Variants in LONP1 observed in about 807,000 individuals in gnomAD.
LONP1 encodes lon peptidase 1, mitochondrial, also known as lon protease homolog, mitochondrial.
Under a neutral mutation model 98.5 loss-of-function variants are expected in LONP1, and 31 were observed. The ratio of observed to expected loss-of-function variants is 0.31; its 90% CI spans 0.24 to 0.42. LONP1 has a LOEUF of 0.42. LONP1 is among the 20% of genes least tolerant of loss of function. The pLI is 1.00. For missense variants in LONP1, 1,336 were observed against 1,350.6 expected (o/e 0.99, Z 0.17); for synonymous variants, 781 against 594.7 (o/e 1.31, Z -4.56).
At chr19:5,702,352 G>GT (rs1230032585) in intron 8 of LONP1, among the ~76,000 whole-genome samples, 2 of 148,956 alleles carry the variant, frequency 1.3e-5, no homozygotes, top group Non-Finnish European at 3.0e-5. Flanking sequence ...CGGGAGGGAG[G>GT]TGGGGGGGTC....
chr19:5,695,199 ACCCAGGG>A (rs1217693443), intron 13 of LONP1, among the ~76,000 whole-genome samples: 2 of 151,884 alleles, frequency 1.3e-5, no homozygotes, highest in Admixed American at 1.3e-4. Context: ...CCATACACAG[ACCCAGGG>A]CCTGTAGGGT....
chr19:5,704,418 C>T (rs1232568645), intron 8 of LONP1, among the ~76,000 whole-genome samples: 1 of 152,182 alleles, frequency 6.6e-6, no homozygotes, highest in Non-Finnish European at 1.5e-5. Context: ...CAACCAGTGC[C>T]TCTCAGGGCC....
At chr19:5,712,574 G>A in intron 3 of LONP1, 1 of 185,506 alleles carries the variant, frequency 5.4e-6, no homozygotes, top group East Asian at 1.3e-4. Context: ...ATAGCTCACT[G>A]CAGCCTTTAC....
intron 10 of LONP1, among the ~76,000 whole-genome samples, chr19:5,697,705 T>C (rs1010159414): frequency 6.6e-6 from 1 of 151,742 alleles, no homozygotes; most frequent in Non-Finnish European, 1.5e-5. Flanking sequence ...AAGGAGGGTT[T>C]TGCTGCTGTT....
chr19:5,715,121 C>T (rs1303059352), intron 1 of LONP1: 1 of 150,482 alleles, frequency 6.6e-6, no homozygotes, highest in Non-Finnish European at 1.5e-5. Flanking sequence ...CAGAACTGAC[C>T]AGCTGGATTC....
rs765637770 is a variant in LONP1 at position 5,714,240 on chromosome 19, C to T, written c.461G>A (p.Arg154Lys). ...AGGCTGGGCGAGACGAACTTTCCTT[C>T]TCAGCAGCTCAACCAACTTCTTATT... ...VKNKKLVELL[R>K]RKVRLAQPYV... Residue 154 changes from arginine to lysine, a missense_variant, in exon 2 of 18, where the codon AGA (arginine) becomes AAA (lysine). This residue lies in a region of LONP1 where 457 missense variants were observed against 403.1 expected (regional missense o/e 1.13). Coordinates refer to ENST00000360614, the MANE Select transcript of LONP1 (RefSeq NM_004793.4). 16 of 1,613,918 alleles carry T rather than the reference C, an allele frequency of 9.9e-6. No individual in the cohort carries two copies. The Admixed American group carries it at 2.7e-4, about 27-fold the overall frequency.
At chr19:5,716,315 A>G (rs2055323029) in intron 1 of LONP1, among the ~76,000 whole-genome samples, 1 of 114,872 alleles carries the variant, frequency 8.7e-6, no homozygotes, top group Non-Finnish European at 1.8e-5. Context: ...TGGCCCTCAA[A>G]CTTTTGCAGG....
chr19:5,704,431 G>C (rs933005510), intron 8 of LONP1, among the ~76,000 whole-genome samples: 68 of 152,314 alleles, frequency 4.5e-4, no homozygotes, highest in African/African-American at 1.6e-3. Flanking sequence ...TCAGGGCCCT[G>C]GGGGAGAGAC....
At chr19:5,698,932 T>C (rs754173237) in intron 10 of LONP1, 95 bp downstream of exon 10, 7 of 1,306,910 alleles carry the variant, frequency 5.4e-6, no homozygotes, top group Non-Finnish European at 7.2e-6. Flanking sequence ...ACAACCCGGA[T>C]TGCTCTACCA....
At chr19:5,700,764 A>AC (rs765286297) in intron 9 of LONP1, 25 bp downstream of exon 9, 27 of 1,613,090 alleles carry the variant, frequency 1.7e-5, no homozygotes, top group Non-Finnish European at 1.7e-5. Context: ...ATGCAAATCC[A>AC]CAACAGGCCA....
In LONP1 at chr19:5,693,364, C is replaced by G; in HGVS notation, c.2637G>C (p.Met879Ile). The change falls in exon 17 of 18, where the codon ATG becomes ATC. Residue 879 changes from methionine to isoleucine, a missense_variant. Met to Ile is a conservative substitution (Grantham distance 10). Transcript: ENST00000360614. ...TGCCCGTGAGGGAGACTTCGCCAGT[C>G]ATGGCCAGATTCTGCCGGACAGGCC... ...MGRPVRQNLAMTGEVSLTGKI... is the reference protein window; with the variant it reads ...MGRPVRQNLAITGEVSLTGKI... The G allele has an allele frequency of 1.2e-6, 2 of 1,613,574 alleles. No individual in the cohort carries two copies. The highest frequency in any genetic ancestry group is 8.5e-7 in the Non-Finnish European group (1 of 1,179,910).
Position 5,693,786 on chromosome 19 carries a change from G to A in LONP1, c.2321-17C>T, listed in dbSNP as rs1402459504. The A allele has an allele frequency of 6.2e-7, 1 of 1,608,664 alleles. No individual in the cohort carries two copies. Among genetic ancestry groups the A allele is most frequent in the Non-Finnish European group, 8.5e-7 (1 of 1,177,302 alleles). ...TGGAGCCTCCTGAAACAGGTGTGGA[G>A]CTGTGAACACGGGAGGCCTCGGAGC... On this transcript the variant is annotated splice_polypyrimidine_tract_variant and intron_variant, in intron 15 of 17. Coordinates refer to ENST00000360614, the MANE Select transcript of LONP1 (RefSeq NM_004793.4).
At position 5,705,857 on chromosome 19, in the gene LONP1, G is replaced by A. The variant is rs1448014147; in HGVS notation, c.1282C>T (p.Leu428Phe). The A allele has an allele frequency of 5.6e-6, 9 of 1,614,084 alleles. No individual in the cohort carries two copies. Among genetic ancestry groups the A allele is most frequent in the East Asian group, 2.2e-5 (1 of 44,894 alleles). Reference protein sequence around the residue: ...EEKFRERLKELVVPKHVMDVV... With the variant: ...EEKFRERLKEFVVPKHVMDVV... The stretch of plus-strand genomic sequence containing the variant: ...TCCATGACGTGCTTGGGGACCACGA[G>A]CTCCTTCAGGCGCTCCCGGAACTTC... The change falls in exon 8 of 18, where the codon CTC becomes TTC. Residue 428 changes from leucine to phenylalanine, a missense_variant. Physicochemically the swap from Leu to Phe is conservative, Grantham distance 22. This residue lies in a region of LONP1 where 219 missense variants were observed against 241.0 expected (regional missense o/e 0.91). Coordinates refer to ENST00000360614, the MANE Select transcript of LONP1 (RefSeq NM_004793.4).
intron 9 of LONP1, among the ~76,000 whole-genome samples, chr19:5,700,024 C>T (rs531320835): frequency 2.0e-4 from 30 of 152,246 alleles, no homozygotes; most frequent in African/African-American, 7.2e-4. Context: ...CTGCAGCCTC[C>T]ACCTCCCGGG....
chr19:5,693,384 C>T lies in LONP1; in HGVS notation c.2617G>A (p.Val873Ile). 1.2e-6 allele frequency: 2 copies of T among 1,613,246 alleles called. No homozygotes were observed. The highest frequency in any genetic ancestry group is 1.1e-5 in the South Asian group (1 of 91,080). ...ALLSLAMGRPVRQNLAMTGEV... is the reference protein window; with the variant it reads ...ALLSLAMGRPIRQNLAMTGEV... ...CCAGTCATGGCCAGATTCTGCCGGA[C>T]AGGCCTGCCCATGGCCAGGGACAGC... Residue 873 changes from valine (V) to isoleucine (I), a missense_variant, in exon 17 of 18, where the codon GTC (valine) becomes ATC (isoleucine). Coordinates refer to ENST00000360614, the MANE Select transcript of LONP1 (RefSeq NM_004793.4).
At chr19:5,698,289 T>C (rs1318390497) in intron 10 of LONP1, among the ~76,000 whole-genome samples, 3 of 152,050 alleles carry the variant, frequency 2.0e-5, no homozygotes, top group Non-Finnish European at 4.4e-5. Flanking sequence ...AAGGCAGAAA[T>C]GTTCACTTTA....
At chr19:5,693,247 G>C (rs368241558) in intron 17 of LONP1, 51 bp downstream of exon 17, 147 of 1,566,052 alleles carry the variant, frequency 9.4e-5, no homozygotes, top group Non-Finnish European at 1.2e-4. Context: ...GGCCTGTCCC[G>C]TGGTGGTGTG....
At chr19:5,700,022 T>C (rs891669982) in intron 9 of LONP1, among the ~76,000 whole-genome samples, 13 of 152,132 alleles carry the variant, frequency 8.5e-5, no homozygotes, top group Non-Finnish European at 8.8e-5. Context: ...CACTGCAGCC[T>C]CCACCTCCCG....
intron 9 of LONP1, among the ~76,000 whole-genome samples, chr19:5,699,416 G>A (rs550384902): frequency 2.6e-5 from 4 of 152,288 alleles, no homozygotes; most frequent in Admixed American, 2.6e-4. Flanking sequence ...TAACACCAAA[G>A]GACAACTAGG....
Sources: allele counts gnomAD v4.1 joint callset (sites outside exome capture counted in the v4.1 genomes callset), GRCh38; gene constraint gnomAD v4.1.1; regional missense constraint gnomAD v4.1.1; transcripts MANE v1.5; gene names NCBI Gene and HGNC (gene_info 2026-07-23, HGNC 2026-07-21).